Variants in TRPM3 observed in about 807,000 individuals in gnomAD.
TRPM3 encodes the protein long transient receptor potential channel 3.
A neutral mutation model predicts 181.2 loss-of-function variants in TRPM3; 77 were observed. The ratio of observed to expected loss-of-function variants is 0.42; its 90% CI spans 0.35 to 0.51. The LOEUF (loss-of-function observed/expected upper bound fraction) is 0.51. Ranked by LOEUF, TRPM3 falls within the 20% of genes least tolerant of loss-of-function variation. The pLI is 0.01. For synonymous variants in TRPM3, 745 were observed against 796.4 expected (o/e 0.94, Z 1.09); for missense variants, 1,759 against 2,196.7 (o/e 0.80, Z 3.98).
Position 70,535,330 on chromosome 9 carries a change from A to T in TRPM3, c.*623T>A. ...AAGTGAATAGATAAGAGACAGGTGAACTATGACTGTTACCTTGTTTTTTCT... is the reference window on the plus strand; with the variant it reads ...AAGTGAATAGATAAGAGACAGGTGATCTATGACTGTTACCTTGTTTTTTCT... On this transcript the variant is annotated 3_prime_UTR_variant, in exon 26 of 26. Coordinates refer to ENST00000677713, the MANE Select transcript of TRPM3 (RefSeq NM_001366145.2). 7.5e-7 allele frequency: 1 copy of T among 1,340,864 alleles called. No individual in the cohort carries two copies. The highest frequency in any genetic ancestry group is 1.0e-6 in the Non-Finnish European group (1 of 960,606). 83.1% of individuals were successfully genotyped at this position (1,340,864 alleles called of 1,614,324 possible). A position where few individuals can be genotyped will look rare whatever the true frequency, so the allele number is the denominator to read the frequency against.
chr9:70,605,798 G>A (rs1461225004), intron 19 of TRPM3, among the ~76,000 whole-genome samples: 2 of 152,186 alleles, frequency 1.3e-5, no homozygotes, highest in Non-Finnish European at 2.9e-5. Context: ...TCCATCACTT[G>A]TAGGTGAAAT....
At chr9:71,236,620 A>G (rs1048132461) in intron 1 of TRPM3, among the ~76,000 whole-genome samples, 5 of 152,182 alleles carry the variant, frequency 3.3e-5, no homozygotes, top group African/African-American at 9.7e-5. Context: ...ATAAGAGATA[A>G]GATACACCTC....
intron 9 of TRPM3, among the ~76,000 whole-genome samples, chr9:70,647,647 A>T (rs144262451): frequency 2.9e-3 from 447 of 152,208 alleles, no homozygotes; most frequent in African/African-American, 0.01. Flanking sequence ...AAGGATGCCC[A>T]CTCTCACTAC....
chr9:71,207,352 T>A (rs1166338683), intron 1 of TRPM3, among the ~76,000 whole-genome samples: 1 of 152,140 alleles, frequency 6.6e-6, no homozygotes, highest in Non-Finnish European at 1.5e-5. Flanking sequence ...TATTTCTCAC[T>A]GTAATTCCTA....
At chr9:71,326,889 G>A (rs560339455) in intron 1 of TRPM3, among the ~76,000 whole-genome samples, 1 of 152,312 alleles carries the variant, frequency 6.6e-6, no homozygotes, top group Non-Finnish European at 1.5e-5. Flanking sequence ...CAATCTGAGA[G>A]TGCACGGAGG....
chr9:70,855,432 G>A (rs1360159357), intron 3 of TRPM3, among the ~76,000 whole-genome samples: 1 of 152,196 alleles, frequency 6.6e-6, no homozygotes, highest in Non-Finnish European at 1.5e-5. Flanking sequence ...TTGCCCAGCT[G>A]TTTCAATGAA....
At chr9:71,339,155 C>A (rs577556843) in intron 1 of TRPM3, among the ~76,000 whole-genome samples, 148 of 151,986 alleles carry the variant, frequency 9.7e-4, no homozygotes, top group Non-Finnish European at 1.7e-3. Context: ...CCTTTATGAA[C>A]AAAATTATAA....
intron 8 of TRPM3, among the ~76,000 whole-genome samples, chr9:70,692,077 C>G (rs1359044889): frequency 6.6e-6 from 1 of 152,142 alleles, no homozygotes; most frequent in African/African-American, 2.4e-5. Context: ...TTCTTTTTTC[C>G]CCCCTGCCAT....
At chr9:71,375,433 C>T (rs996407433) in intron 1 of TRPM3, among the ~76,000 whole-genome samples, 2 of 152,042 alleles carry the variant, frequency 1.3e-5, no homozygotes, top group African/African-American at 2.4e-5. Flanking sequence ...AGAAGAAAAT[C>T]GAGGCAATAT....
chr9:70,674,563 AT>A (rs71507005), intron 9 of TRPM3, among the ~76,000 whole-genome samples: 85 of 151,440 alleles, frequency 5.6e-4, no homozygotes, highest in African/African-American at 1.9e-3. Flanking sequence ...TATATATATA[AT>A]TTTTTTTTTG....
chr9:71,156,981 A>G (rs534728795), intron 1 of TRPM3, among the ~76,000 whole-genome samples: 1 of 152,258 alleles, frequency 6.6e-6, no homozygotes, highest in Admixed American at 6.5e-5. Context: ...GTGTCTTGGG[A>G]TATCAATGTT....
Position 70,784,149 on chromosome 9 carries a change from T to C in TRPM3, c.1104A>G (p.Ala368=), listed in dbSNP as rs760031583. The C allele has an allele frequency of 1.6e-5, 26 of 1,613,674 alleles. No homozygotes were observed. Among genetic ancestry groups the C allele is most frequent in the Middle Eastern group, 3.3e-4 (2 of 6,064 alleles). ...TATGCCCAAAGGCCAGGATGTCCGA[T>C]GCCCGTCCACTCCCATCACAGACAA... ...PVVVCDGSGR[A]SDILAFGHKY... The change falls in exon 7 of 26, where the codon GCA becomes GCG. Residue 368 remains alanine (A), a synonymous_variant. Transcript: ENST00000677713.
chr9:70,758,726 G>A (rs937723392), intron 8 of TRPM3, among the ~76,000 whole-genome samples: 7 of 152,130 alleles, frequency 4.6e-5, no homozygotes, highest in African/African-American at 1.7e-4. Context: ...AACAAGCAAT[G>A]GGGAAAGGAT....
At chr9:70,935,591 G>C (rs961968560) in intron 1 of TRPM3, among the ~76,000 whole-genome samples, 6 of 152,120 alleles carry the variant, frequency 3.9e-5, no homozygotes, top group African/African-American at 1.4e-4. Context: ...ATGACCTTTT[G>C]GTATCTACCT....
intron 1 of TRPM3, among the ~76,000 whole-genome samples, chr9:70,872,209 C>G (rs2095800609): frequency 6.6e-6 from 1 of 151,898 alleles, no homozygotes; most frequent in Admixed American, 6.6e-5. Flanking sequence ...CCATAAACAA[C>G]AAGTAAACAA....
At chr9:70,885,858 CTATT>C (rs2096074064) in intron 1 of TRPM3, among the ~76,000 whole-genome samples, 1 of 152,176 alleles carries the variant, frequency 6.6e-6, no homozygotes, top group South Asian at 2.1e-4. Context: ...GGACCAGACC[CTATT>C]TCTGCCCAAG....
upstream of TRPM3, among the ~76,000 whole-genome samples, chr9:71,122,633 T>C (rs367955425): frequency 1.2e-4 from 18 of 152,220 alleles, no homozygotes; most frequent in African/African-American, 3.4e-4. Flanking sequence ...CTGGGAGTGG[T>C]GCAAGCAGAT....
intron 1 of TRPM3, among the ~76,000 whole-genome samples, chr9:71,185,180 T>C (rs969919222): frequency 6.6e-6 from 1 of 152,024 alleles, no homozygotes; most frequent in South Asian, 2.1e-4. Flanking sequence ...TCTAATGTAA[T>C]AAAAATCCAG....
chr9:70,657,828 T>C (rs915418419), intron 9 of TRPM3, among the ~76,000 whole-genome samples: 6 of 152,098 alleles, frequency 3.9e-5, no homozygotes, highest in African/African-American at 1.4e-4. Flanking sequence ...AACTGCATTC[T>C]GGAGACACAG....
Sources: allele counts gnomAD v4.1 joint callset (sites outside exome capture counted in the v4.1 genomes callset), GRCh38; gene constraint gnomAD v4.1.1; transcripts MANE v1.5; gene names NCBI Gene and HGNC (gene_info 2026-07-23, HGNC 2026-07-21).